EEF1AKMT1: variants seen among roughly 807,000 people sequenced by gnomAD.
EEF1AKMT1 encodes N-6 adenine-specific DNA methyltransferase 2 (putative).
In EEF1AKMT1, 18 loss-of-function variants were observed where a neutral mutation model predicts 21.0. The observed-to-expected ratio is 0.86, with a 90% confidence interval of 0.59 to 1.27. The LOEUF is 1.27. Ranked by LOEUF, EEF1AKMT1 falls within the 50% of genes most tolerant of loss-of-function variation. EEF1AKMT1 has a pLI of 0.00. For missense variants in EEF1AKMT1, 246 were observed against 258.6 expected, an observed-to-expected ratio of 0.95 and a Z score of 0.33; for synonymous variants, 109 against 94.8, an observed-to-expected ratio of 1.15 and a Z score of -0.87.
At chr13:20,753,770 C>CT (rs796894275) in intron 2 of EEF1AKMT1, among the ~76,000 whole-genome samples, 11 of 151,460 alleles carry the variant, frequency 7.3e-5, no homozygotes, top group South Asian at 4.2e-4. Flanking sequence ...CATGGAATAT[C>CT]TTTTTTTTTC....
intron 1 of EEF1AKMT1, among the ~76,000 whole-genome samples, chr13:20,768,534 A>G (rs1160508365): frequency 3.9e-5 from 6 of 152,140 alleles, no homozygotes; most frequent in Non-Finnish European, 7.4e-5. Context: ...CTCTGCAGAT[A>G]CCTGGAGTTC....
At chr13:20,758,231 T>C (rs1432975416) in intron 1 of EEF1AKMT1, among the ~76,000 whole-genome samples, 3 of 152,162 alleles carry the variant, frequency 2.0e-5, no homozygotes, top group African/African-American at 7.2e-5. Flanking sequence ...ATCTACATAA[T>C]AATAAGAACC....
At chr13:20,729,766 C>G (rs2058781491) in intron 4 of EEF1AKMT1, among the ~76,000 whole-genome samples, 1 of 152,188 alleles carries the variant, frequency 6.6e-6, no homozygotes, top group African/African-American at 2.4e-5. Flanking sequence ...CCTCCACACT[C>G]AAATACAGCA....
chr13:20,739,136 A>C (rs966994909), intron 2 of EEF1AKMT1, among the ~76,000 whole-genome samples: 1 of 152,060 alleles, frequency 6.6e-6, no homozygotes, highest in African/African-American at 2.4e-5. Flanking sequence ...CTAAGATGGC[A>C]CATCTGGAGT....
At chr13:20,756,497 G>A (rs961530313) in intron 2 of EEF1AKMT1, among the ~76,000 whole-genome samples, 11 of 152,086 alleles carry the variant, frequency 7.2e-5, no homozygotes, top group Admixed American at 2.0e-4. Flanking sequence ...TTTCCACCAG[G>A]ATTTCTGGGG....
intron 2 of EEF1AKMT1, among the ~76,000 whole-genome samples, chr13:20,739,443 T>A (rs972018050): frequency 1.3e-5 from 2 of 152,214 alleles, no homozygotes; most frequent in Non-Finnish European, 2.9e-5. Context: ...AGCTGATTGG[T>A]CTGTTTTACA....
At chr13:20,755,713 T>C (rs1038093075) in intron 2 of EEF1AKMT1, among the ~76,000 whole-genome samples, 4 of 152,220 alleles carry the variant, frequency 2.6e-5, no homozygotes, top group African/African-American at 9.6e-5. Flanking sequence ...AAGTACCCAA[T>C]ACCTCTAGTC....
At chr13:20,741,696 C>T (rs1435719777) in intron 2 of EEF1AKMT1, among the ~76,000 whole-genome samples, 1 of 152,088 alleles carries the variant, frequency 6.6e-6, no homozygotes, top group Non-Finnish European at 1.5e-5. Context: ...ACTTCGTGAT[C>T]TGCCTCCTCA....
intron 1 of EEF1AKMT1, chr13:20,769,457 ACTTTT>A (rs71732401): frequency 0.092 from 14,076 of 152,174 alleles, 785 homozygotes; most frequent in Non-Finnish European, 0.13. Flanking sequence ...CCATGCTTCT[ACTTTT>A]CTTTTATCCC....
intron 4 of EEF1AKMT1, among the ~76,000 whole-genome samples, chr13:20,731,379 C>G (rs551345556): frequency 6.6e-6 from 1 of 152,140 alleles, no homozygotes; most frequent in South Asian, 2.1e-4. Flanking sequence ...GGTGGGAGGA[C>G]GGCTTAGCCC....
rs764269127 is a variant in EEF1AKMT1, at chr13:20,729,163, A to G, written c.562T>C (p.Phe188Leu). ...AELLGVKMCTFVPRHTRNLAN... is the reference protein window; with the variant it reads ...AELLGVKMCTLVPRHTRNLAN... ...AAGTTCCGGGTGTGTCTTGGAACAAACGTGCACATCTTCACTCCAAGGAGT... is the reference window on the plus strand; with the variant it reads ...AAGTTCCGGGTGTGTCTTGGAACAAGCGTGCACATCTTCACTCCAAGGAGT... The change falls in exon 5 of 5, where the codon TTT becomes CTT. Residue 188 changes from phenylalanine to leucine, a missense_variant. Coordinates refer to ENST00000382758, the MANE Select transcript of EEF1AKMT1 (RefSeq NM_001318939.2). The G allele has an allele frequency of 4.3e-6, 7 of 1,614,182 alleles. No individual in the cohort carries two copies. The highest frequency in any genetic ancestry group is 5.9e-6 in the Non-Finnish European group (7 of 1,180,038).
chr13:20,760,652 C>A (rs1488362932), intron 1 of EEF1AKMT1, among the ~76,000 whole-genome samples: 1 of 151,896 alleles, frequency 6.6e-6, no homozygotes, highest in Non-Finnish European at 1.5e-5. Flanking sequence ...ACCCAATATA[C>A]CCTGCACATG....
intron 4 of EEF1AKMT1, 151 bp from the exon 5 acceptor site, chr13:20,729,367 C>T: frequency 2.4e-6 from 2 of 828,184 alleles, no homozygotes; most frequent in Non-Finnish European, 3.7e-6. Context: ...TCTTTACATT[C>T]CCTTTCACCT....
Position 20,766,557 on chromosome 13 carries a change from C to T in EEF1AKMT1, c.-20+7364G>A, listed in dbSNP as rs1480593156. Among the ~76,000 whole-genome samples the T allele has an allele frequency of 2.6e-5, 4 of 152,212 alleles. No homozygotes were observed. In the East Asian group the frequency reaches 5.8e-4, roughly 22 times the overall value. On this transcript the variant is annotated intron_variant, in intron 1 of 4. Transcript: ENST00000382758. ...TGGTACATGGCTGGGTGCGGTGGCT[C>T]ACGTCTGTAATCCCAGCACTTTGGG...
intron 3 of EEF1AKMT1, among the ~76,000 whole-genome samples, chr13:20,733,454 G>C (rs2058809509): frequency 1.3e-5 from 2 of 152,100 alleles, no homozygotes; most frequent in Admixed American, 1.3e-4. Context: ...TCAAACTCCA[G>C]AGCTCAACAT....
intron 1 of EEF1AKMT1, among the ~76,000 whole-genome samples, chr13:20,762,624 C>T (rs2059006701): frequency 6.6e-6 from 1 of 152,082 alleles, no homozygotes; most frequent in Non-Finnish European, 1.5e-5. Flanking sequence ...AGTGATCTTT[C>T]CACCTCAGCC....
rs1212797273 is a variant in EEF1AKMT1 at position 20,728,876 on chromosome 13, A to G, written c.*204T>C. On this transcript the variant is annotated 3_prime_UTR_variant, in exon 5 of 5. Coordinates refer to ENST00000382758, the MANE Select transcript of EEF1AKMT1 (RefSeq NM_001318939.2). ...GTTTCTTCCAACTCGAATTCCATGGATTCAGGTTGGCAGAAGACTGAGCTC... is the reference window on the plus strand; with the variant it reads ...GTTTCTTCCAACTCGAATTCCATGGGTTCAGGTTGGCAGAAGACTGAGCTC... 3 of 603,952 alleles carry G rather than the reference A, an allele frequency of 5.0e-6. No individual in the cohort carries two copies. Among genetic ancestry groups the G allele is most frequent in the Non-Finnish European group, 8.7e-6 (3 of 346,066 alleles). The allele number at this position is 603,952 out of a possible 1,614,324, so 37.4% of individuals were successfully genotyped here. A position where few individuals can be genotyped will look rare whatever the true frequency, so the allele number is the denominator to read the frequency against.
At chr13:20,772,229 G>A (rs2059066303) in intron 1 of EEF1AKMT1, among the ~76,000 whole-genome samples, 1 of 151,990 alleles carries the variant, frequency 6.6e-6, no homozygotes, top group African/African-American at 2.4e-5. Flanking sequence ...ACAAGTGGCA[G>A]TAAAAAAAAT....
intron 2 of EEF1AKMT1, among the ~76,000 whole-genome samples, chr13:20,738,968 A>AC (rs1188689025): frequency 6.6e-6 from 1 of 152,110 alleles, no homozygotes; most frequent in Non-Finnish European, 1.5e-5. Flanking sequence ...GAAGCTGTGG[A>AC]CCCTCACGAT....
Sources: gnomAD v4.1 joint callset for allele counts (sites outside exome capture counted in the v4.1 genomes callset) on GRCh38, gnomAD v4.1.1 for gene constraint, MANE v1.5 for transcripts, NCBI Gene and HGNC (gene_info 2026-07-23, HGNC 2026-07-21) for gene names.